The following ATL1 variants were observed in gnomAD, a reference collection of about 807,000 sequenced individuals.
The protein encoded by ATL1 is atlastin GTPase 1, also known as atlastin-1.
Under a neutral mutation model 75.5 loss-of-function variants are expected in ATL1, and 31 were observed. The ratio of observed to expected loss-of-function variants is 0.41; its 90% CI spans 0.31 to 0.55. The LOEUF is 0.55. Ranked by LOEUF, ATL1 falls within the 20% of genes least tolerant of loss-of-function variation. ATL1 has a pLI of 0.27. For synonymous variants in ATL1, 226 were observed against 233.3 expected, an observed-to-expected ratio of 0.97 and a Z score of 0.28; for missense variants, 405 against 662.6, an observed-to-expected ratio of 0.61 and a Z score of 4.27.
At chr14:50,592,134 C>T (rs1419827807) in intron 4 of ATL1, among the ~76,000 whole-genome samples, 1 of 152,078 alleles carries the variant, frequency 6.6e-6, no homozygotes, top group East Asian at 1.9e-4. Context: ...ATCTTTCTTT[C>T]CTTTCCTTTT....
chr14:50,565,484 C>CAAAA (rs56404646), intron 1 of ATL1, among the ~76,000 whole-genome samples: 2 of 145,258 alleles, frequency 1.4e-5, no homozygotes, highest in Non-Finnish European at 1.5e-5. Flanking sequence ...GACTTCATCT[C>CAAAA]AAAAAAAAAA....
At chr14:50,606,518 T>G (rs1247646302) in intron 6 of ATL1, among the ~76,000 whole-genome samples, 1 of 151,960 alleles carries the variant, frequency 6.6e-6, no homozygotes, top group African/African-American at 2.4e-5. Flanking sequence ...AATTACTGAT[T>G]TTGTATTATG....
At chr14:50,567,742 A>T (rs1250273448) in intron 1 of ATL1, among the ~76,000 whole-genome samples, 2 of 152,044 alleles carry the variant, frequency 1.3e-5, no homozygotes, top group Non-Finnish European at 2.9e-5. Context: ...TTCTTTGATC[A>T]TTTGTTGTTT....
intron 1 of ATL1, among the ~76,000 whole-genome samples, chr14:50,579,671 A>G (rs1334315597): frequency 1.3e-5 from 2 of 152,100 alleles, no homozygotes; most frequent in African/African-American, 2.4e-5. Context: ...AATGTTTTAT[A>G]TTTTTCTGCA....
upstream of ATL1, among the ~76,000 whole-genome samples, chr14:50,558,147 T>A (rs1174885667): frequency 6.6e-6 from 1 of 152,156 alleles, no homozygotes; most frequent in Non-Finnish European, 1.5e-5. Flanking sequence ...GGCAGATCGC[T>A]TGAGCTCATG....
intron 1 of ATL1, among the ~76,000 whole-genome samples, chr14:50,534,675 CTA>C (rs970839946): frequency 6.6e-6 from 1 of 152,170 alleles, no homozygotes; most frequent in Admixed American, 6.5e-5. Context: ...AGTCAAGACT[CTA>C]TGTGGTGGTT....
At chr14:50,542,495 T>C (rs1430633327) in intron 1 of ATL1, 1 of 152,188 alleles carries the variant, frequency 6.6e-6, no homozygotes, top group Non-Finnish European at 1.5e-5. Context: ...AAATTGGATG[T>C]TACCTAATTT....
chr14:50,546,395 AG>A (rs2038632665), intron 1 of ATL1, among the ~76,000 whole-genome samples: 2 of 151,532 alleles, frequency 1.3e-5, no homozygotes, highest in Non-Finnish European at 2.9e-5. Context: ...TGTGTGTGTG[AG>A]AGAGCATACA....
chr14:50,558,319 A>G (rs2038790136), upstream of ATL1, among the ~76,000 whole-genome samples: 3 of 152,328 alleles, frequency 2.0e-5, no homozygotes, highest in South Asian at 6.2e-4. Context: ...AGATCACGCC[A>G]CTGCACTCCG....
rs369950441 is a variant in ATL1 at position 50,621,931 on chromosome 14, C to T, written c.1047+32C>T. ...ATTAATGAGGAGGCATGTTTTAAGA[C>T]ACGTGACTAAGGCTAAGATTTCTGG... On this transcript the variant is annotated intron_variant, in intron 10 of 13. Coordinates refer to ENST00000358385, the MANE Select transcript of ATL1 (RefSeq NM_015915.5). 2.5e-5 allele frequency: 36 copies of T among 1,430,860 alleles called. No homozygotes were observed. The African/African-American group carries it at 4.2e-4, about 17-fold the overall frequency. The allele number at this position is 1,430,860 out of a possible 1,614,324, so 88.6% of individuals were successfully genotyped here.
chr14:50,537,028 G>A (rs2038502032), intron 1 of ATL1, among the ~76,000 whole-genome samples: 1 of 152,260 alleles, frequency 6.6e-6, no homozygotes, highest in Non-Finnish European at 1.5e-5. Context: ...AAAGACAATG[G>A]GGAAAATGCC....
In ATL1 at chr14:50,593,810, G is replaced by C. The variant is rs377074032; in HGVS notation, c.523-36G>C. On this transcript the variant is annotated intron_variant, in intron 4 of 13. Transcript: ENST00000358385. ...GAAGTAAGTGCTTAGGATGATGCCAGTTATCTTATCATTGTAATTTTATTT... is the reference window on the plus strand; with the variant it reads ...GAAGTAAGTGCTTAGGATGATGCCACTTATCTTATCATTGTAATTTTATTT... 263 of 1,400,574 alleles carry C rather than the reference G, an allele frequency of 1.9e-4. 1 individual carries two copies. The highest frequency in any genetic ancestry group is 2.4e-4 in the Non-Finnish European group (235 of 987,148). The allele number at this position is 1,400,574 out of a possible 1,614,324, so 86.8% of individuals were successfully genotyped here. A position where few individuals can be genotyped will look rare whatever the true frequency, so the allele number is the denominator to read the frequency against.
chr14:50,606,699 T>C (rs2039319902), intron 6 of ATL1, among the ~76,000 whole-genome samples: 1 of 152,050 alleles, frequency 6.6e-6, no homozygotes. Context: ...GAAGACTTCT[T>C]AGGCCTATGC....
chr14:50,560,341 T>G (rs1194505018), intron 1 of ATL1, 42 bp downstream of exon 1: 1 of 1,608,842 alleles, frequency 6.2e-7, no homozygotes, highest in Non-Finnish European at 8.5e-7. Flanking sequence ...CACGGGGTCT[T>G]CTGGCCCTCC....
At chr14:50,544,658 C>T (rs973215861) in intron 1 of ATL1, among the ~76,000 whole-genome samples, 6 of 151,968 alleles carry the variant, frequency 3.9e-5, no homozygotes, top group Middle Eastern at 3.4e-3. Flanking sequence ...GGTGGCTGGG[C>T]GATGGTGGCT....
intron 1 of ATL1, among the ~76,000 whole-genome samples, chr14:50,567,122 A>ACT (rs1435318662): frequency 3.9e-5 from 6 of 152,180 alleles, no homozygotes; most frequent in Admixed American, 1.3e-4. Context: ...ATTAAACAGT[A>ACT]ACTCCTCATC....
intron 1 of ATL1, among the ~76,000 whole-genome samples, chr14:50,545,954 C>A (rs765962675): frequency 6.6e-6 from 1 of 152,166 alleles, no homozygotes; most frequent in Admixed American, 6.5e-5. Flanking sequence ...CTGAAGCTCT[C>A]TATTTCTCTC....
intron 1 of ATL1, among the ~76,000 whole-genome samples, chr14:50,535,919 T>C (rs547473061): frequency 2.6e-5 from 4 of 152,208 alleles, no homozygotes; most frequent in African/African-American, 9.7e-5. Flanking sequence ...GTTTTCATGA[T>C]AGTGAATAAC....
chr14:50,548,544 C>T (rs955551579), intron 1 of ATL1, among the ~76,000 whole-genome samples: 1 of 152,132 alleles, frequency 6.6e-6, no homozygotes, highest in Non-Finnish European at 1.5e-5. Flanking sequence ...GAGTCTTGCT[C>T]TGTCACCCAG....
Sources: gnomAD v4.1 joint callset for allele counts (sites outside exome capture counted in the v4.1 genomes callset) on GRCh38, gnomAD v4.1.1 for gene constraint, MANE v1.5 for transcripts, NCBI Gene and HGNC (gene_info 2026-07-23, HGNC 2026-07-21) for gene names.